Variants in USP32 observed in about 807,000 individuals in gnomAD.
USP32 encodes ubiquitin specific peptidase 32, also known as ubiquitin carboxyl-terminal hydrolase 32.
In USP32, 59 loss-of-function variants were observed where a neutral mutation model predicts 204.8. The ratio of observed to expected loss-of-function variants is 0.29; its 90% confidence interval spans 0.23 to 0.36. The LOEUF is 0.36. USP32 is among the 10% of genes least tolerant of loss of function. The pLI, the probability that USP32 is intolerant of heterozygous loss-of-function variation, is 1.00. For missense variants in USP32, 1,160 were observed against 1,946.4 expected (o/e 0.60, Z 7.60); for synonymous variants, 517 against 678.4 (o/e 0.76, Z 3.70).
chr17:60,301,809 C>T (rs2087584242), intron 2 of USP32, 105 bp from the exon 3 acceptor site: 2 of 739,428 alleles, frequency 2.7e-6, no homozygotes, highest in Admixed American at 6.3e-5. Flanking sequence ...CACAACAGGC[C>T]CTGGTAAATT....
At chr17:60,280,483 A>G (rs2086943127) in intron 5 of USP32, among the ~76,000 whole-genome samples, 1 of 152,246 alleles carries the variant, frequency 6.6e-6, no homozygotes, top group African/African-American at 2.4e-5. Context: ...AGAGAACAAA[A>G]TATGATTAAA....
At chr17:60,332,803 A>AT (rs1428025088) in intron 2 of USP32, among the ~76,000 whole-genome samples, 3 of 152,058 alleles carry the variant, frequency 2.0e-5, no homozygotes, top group African/African-American at 7.2e-5. Flanking sequence ...CATGCATGCT[A>AT]TTTTTTCCTG....
intron 5 of USP32, among the ~76,000 whole-genome samples, chr17:60,273,917 G>A (rs889098533): frequency 6.9e-5 from 5 of 72,572 alleles, no homozygotes; most frequent in Non-Finnish European, 1.1e-4. Flanking sequence ...CCGAGATTGC[G>A]CCACTGCACT....
At chr17:60,375,954 TC>T (rs2089532249) in intron 1 of USP32, among the ~76,000 whole-genome samples, 1 of 152,316 alleles carries the variant, frequency 6.6e-6, no homozygotes, top group East Asian at 1.9e-4. Context: ...AAAATTTGTA[TC>T]TTCCTATGTG....
At chr17:60,319,547 G>A (rs930660764) in intron 2 of USP32, among the ~76,000 whole-genome samples, 3 of 152,226 alleles carry the variant, frequency 2.0e-5, no homozygotes, top group African/African-American at 7.2e-5. Context: ...GGAGGCTGAG[G>A]CGGGCAGATT....
At chr17:60,402,541 C>T (rs1015178229) in intron 1 of USP32, among the ~76,000 whole-genome samples, 1 of 152,146 alleles carries the variant, frequency 6.6e-6, no homozygotes, top group African/African-American at 2.4e-5. Context: ...AGCCACTGTG[C>T]CTGGTCCTTA....
chr17:60,198,358 A>G lies in USP32; in HGVS notation c.3336T>C (p.His1112=), dbSNP rs1312236871. 3.1e-6 allele frequency: 5 copies of G among 1,614,184 alleles called. No individual in the cohort carries two copies. Among genetic ancestry groups the G allele is most frequent in the Non-Finnish European group, 4.2e-6 (5 of 1,180,024 alleles). Residue 1112 remains histidine, a synonymous_variant, in exon 27 of 34, where the codon CAT becomes CAC. Transcript: ENST00000300896. ...CATCATATAGGTCTTTCTTCCGGGT[A>G]TGCACAGTACATGGAACAATCAATG... is the stretch of plus-strand genomic sequence containing the variant. The part of the protein sequence containing the change: ...GMPLIVPCTV[H]TRKKDLYDAV...
chr17:60,234,455 T>A (rs1418867920), intron 12 of USP32, among the ~76,000 whole-genome samples: 1 of 146,074 alleles, frequency 6.8e-6, no homozygotes, highest in East Asian at 2.3e-4. Context: ...GGACCGGGCG[T>A]GGTGGTTCAC....
chr17:60,395,805 G>A (rs2089896441), upstream of USP32, among the ~76,000 whole-genome samples: 1 of 152,114 alleles, frequency 6.6e-6, no homozygotes, highest in African/African-American at 2.4e-5. Context: ...GTTTTCCCCA[G>A]TCTGTACTCA....
intron 12 of USP32, among the ~76,000 whole-genome samples, chr17:60,228,234 T>C (rs2145597319): frequency 6.6e-6 from 1 of 152,190 alleles, no homozygotes; most frequent in African/African-American, 2.4e-5. Context: ...CATGCTGGCC[T>C]CAAACTCCTG....
intron 1 of USP32, among the ~76,000 whole-genome samples, chr17:60,358,028 T>C (rs1277365296): frequency 6.6e-6 from 1 of 151,802 alleles, no homozygotes; most frequent in Non-Finnish European, 1.5e-5. Flanking sequence ...CTCCACCTCC[T>C]AAAGTGCTGA....
At position 60,323,823 on chromosome 17, in the gene USP32, T is replaced by C. The variant is rs143090407; in HGVS notation, c.186+21658A>G. ...TCAAGATAAACCTTCATGTGAAGTA[T>C]TATATGCTTTACTGTTTTCTAAAAA... On this transcript the variant is annotated intron_variant, in intron 2 of 33. Transcript: ENST00000300896. Among the ~76,000 whole-genome samples, 370 of 152,326 alleles carry C rather than the reference T, an allele frequency of 2.4e-3. 12 individuals are homozygous for C. The South Asian group carries it at 0.039, about 16-fold the overall frequency.
In USP32 at chr17:60,203,997, C is replaced by T. The variant is rs536521215; in HGVS notation, c.3249+1450G>A. Among the ~76,000 whole-genome samples, 583 of 152,274 alleles carry T rather than the reference C, an allele frequency of 3.8e-3. 1 individual carries two copies. Among genetic ancestry groups the T allele is most frequent in the African/African-American group, 0.014 (566 of 41,542 alleles). Reference sequence around the variant, plus strand: ...TAGTTCAGTGCCCTTTCTACTCTACCAAGTTGCCACTATACCCGAAGACTA... The same window carrying T: ...TAGTTCAGTGCCCTTTCTACTCTACTAAGTTGCCACTATACCCGAAGACTA... On this transcript the variant is annotated intron_variant, in intron 26 of 33. Coordinates refer to ENST00000300896, the MANE Select transcript of USP32 (RefSeq NM_032582.4).
intron 13 of USP32, 62 bp from the exon 14 acceptor site, chr17:60,223,648 G>A: frequency 7.0e-7 from 1 of 1,431,354 alleles, no homozygotes; most frequent in South Asian, 1.4e-5. Flanking sequence ...ACAGGCTTGA[G>A]GATATGAACT....
Position 60,263,453 on chromosome 17 carries a change from T to C in USP32, c.990+1959A>G, listed in dbSNP as rs2086506274. On this transcript the variant is annotated intron_variant, in intron 9 of 33. Coordinates refer to ENST00000300896, the MANE Select transcript of USP32 (RefSeq NM_032582.4). ...TCTAGTCACCAGCGAATATGGTTAATAGGCTTGGTTAAAAAACCCAAGTTC... is the reference window on the plus strand; with the variant it reads ...TCTAGTCACCAGCGAATATGGTTAACAGGCTTGGTTAAAAAACCCAAGTTC... Among the ~76,000 whole-genome samples the C allele has an allele frequency of 5.9e-5, 9 of 152,344 alleles. No homozygotes were observed. The South Asian group carries it at 1.4e-3, about 25-fold the overall frequency.
In USP32 at chr17:60,266,655, A is replaced by ATT. The variant is rs34028475; in HGVS notation, c.812-566_812-565dup. On this transcript the variant is annotated intron_variant, in intron 7 of 33. Transcript: ENST00000300896. ...AGGAGCACACCACAACACCCAGGTAATTTTTTTTTTTTTTTTTTGAGATGG... is the reference window on the plus strand; with the variant it reads ...AGGAGCACACCACAACACCCAGGTAATTTTTTTTTTTTTTTTTTTTGAGATGG... Among the ~76,000 whole-genome samples, 385 of 97,642 alleles carry ATT rather than the reference A, an allele frequency of 3.9e-3. 6 individuals carry two copies. Among genetic ancestry groups the ATT allele is most frequent in the African/African-American group, 0.014 (361 of 25,086 alleles). The allele number at this position is 97,642 out of a possible 152,430, so 64.1% of individuals were successfully genotyped here. A position where few individuals can be genotyped will look rare whatever the true frequency, so the allele number is the denominator to read the frequency against.
At chr17:60,387,668 CT>C (rs2146131800) in intron 1 of USP32, among the ~76,000 whole-genome samples, 1 of 152,230 alleles carries the variant, frequency 6.6e-6, no homozygotes, top group African/African-American at 2.4e-5. Context: ...TTTGATACAA[CT>C]TACAATGAGA....
In USP32 at chr17:60,391,009, A is replaced by C. The variant is rs115140667; in HGVS notation, c.58+873T>G. Reference sequence around the variant, plus strand: ...TAGTGATCATGGACAGCGGTATCAGAGTGAGTGGTAGGGGGTTGGGGCTGC... The same window carrying C: ...TAGTGATCATGGACAGCGGTATCAGCGTGAGTGGTAGGGGGTTGGGGCTGC... On this transcript the variant is annotated intron_variant, in intron 1 of 33. Coordinates refer to ENST00000300896, the MANE Select transcript of USP32 (RefSeq NM_032582.4). 1.4e-3 allele frequency among the ~76,000 whole-genome samples: 219 copies of C among 152,304 alleles called. 1 individual carries two copies. The highest frequency in any genetic ancestry group is 5.0e-3 in the African/African-American group (207 of 41,568).
In USP32 at chr17:60,267,480, TA is replaced by T. The variant is rs1409958556; in HGVS notation, c.812-1390del. On this transcript the variant is annotated intron_variant, in intron 7 of 33. Coordinates refer to ENST00000300896, the MANE Select transcript of USP32 (RefSeq NM_032582.4). ...CCACTTCCATGTTACCTTTCCAGTA[TA>T]ACTAATGTACATTCAATCTTTTTTT... Among the ~76,000 whole-genome samples the T allele has an allele frequency of 5.9e-5, 9 of 152,328 alleles. No homozygotes were observed. The South Asian group carries it at 1.7e-3, about 28-fold the overall frequency.
Sources: allele counts gnomAD v4.1 joint callset (sites outside exome capture counted in the v4.1 genomes callset), GRCh38; gene constraint gnomAD v4.1.1; transcripts MANE v1.5; gene names NCBI Gene and HGNC (gene_info 2026-07-23, HGNC 2026-07-21).